Variants in MRTFA observed in about 807,000 individuals in gnomAD.
MRTFA encodes myocardin related transcription factor A.
A neutral mutation model predicts 83.5 loss-of-function variants in MRTFA; 20 were observed. That is an observed-to-expected ratio of 0.24 (90% CI 0.17 to 0.35). The LOEUF is 0.35. Among genes scored for constraint, MRTFA ranks in the 10% least tolerant of loss-of-function variants. The probability of loss-of-function intolerance (pLI) is 1.00; values close to 1 mark genes in which losing one functional copy is unlikely to be tolerated. For missense variants in MRTFA, 1,200 were observed against 1,224.7 expected, an observed-to-expected ratio of 0.98 and a Z score of 0.30; for synonymous variants, 659 against 541.2, an observed-to-expected ratio of 1.22 and a Z score of -3.02.
At chr22:40,520,179 TA>T (rs1323213016) in intron 3 of MRTFA, among the ~76,000 whole-genome samples, 1 of 152,196 alleles carries the variant, frequency 6.6e-6, no homozygotes, top group South Asian at 2.1e-4. Flanking sequence ...TCACACAATT[TA>T]AAAAATTGAG....
chr22:40,523,774 G>A (rs574158272), intron 3 of MRTFA: 39 of 152,186 alleles, frequency 2.6e-4, no homozygotes, highest in Non-Finnish European at 3.8e-4. Context: ...GGTATTAGAA[G>A]AATACGGACA....
chr22:40,457,725 C>T (rs1473866493), intron 4 of MRTFA, among the ~76,000 whole-genome samples: 1 of 152,160 alleles, frequency 6.6e-6, no homozygotes, highest in Non-Finnish European at 1.5e-5. Flanking sequence ...GGTTTTTCTA[C>T]TACTGGCACA....
chr22:40,442,411 G>T (rs933419129), intron 4 of MRTFA, among the ~76,000 whole-genome samples: 2 of 152,212 alleles, frequency 1.3e-5, no homozygotes, highest in Non-Finnish European at 2.9e-5. Flanking sequence ...TTTTTCCAGT[G>T]TGGAAGCAGG....
rs748409067 is a variant in MRTFA, at chr22:40,418,953, C to G, written c.1785G>C (p.Gln595His). The change falls in exon 12 of 15, where the codon CAG becomes CAC. Residue 595 changes from glutamine to histidine, a missense_variant. Gln to His is a conservative substitution (Grantham distance 24). Coordinates refer to ENST00000355630, the MANE Select transcript of MRTFA (RefSeq NM_020831.6). ...GGGGGCCCTCCTCCTTCACGAGGAT[C>G]TGCAGTGGCGAGGCCTGCAGGGTCA... 1.2e-5 allele frequency: 20 copies of G among 1,612,766 alleles called. No homozygotes were observed. Among genetic ancestry groups the G allele is most frequent in the Admixed American group, 1.7e-5 (1 of 59,990 alleles).
At chr22:40,548,826 T>C (rs1309454430) in intron 3 of MRTFA, among the ~76,000 whole-genome samples, 1 of 151,570 alleles carries the variant, frequency 6.6e-6, no homozygotes, top group Non-Finnish European at 1.5e-5. Flanking sequence ...ATCGCGCCAC[T>C]GCACTCCAGC....
intron 3 of MRTFA, among the ~76,000 whole-genome samples, chr22:40,497,990 A>G (rs1375549250): frequency 6.6e-6 from 1 of 151,502 alleles, no homozygotes; most frequent in African/African-American, 2.4e-5. Context: ...TTTTTAAAAT[A>G]TTAGATGGGT....
At chr22:40,604,915 A>G (rs2056301340) in intron 1 of MRTFA, among the ~76,000 whole-genome samples, 1 of 152,194 alleles carries the variant, frequency 6.6e-6, no homozygotes, top group Non-Finnish European at 1.5e-5. Context: ...GAATGAGGCA[A>G]GTATGTGGTG....
At chr22:40,465,014 C>T (rs935520368) in intron 3 of MRTFA, among the ~76,000 whole-genome samples, 1 of 152,128 alleles carries the variant, frequency 6.6e-6, no homozygotes, top group African/African-American at 2.4e-5. Context: ...TTAATCAAGC[C>T]TGGCCAGTTA....
Position 40,419,402 on chromosome 22 carries a change from G to A in MRTFA, c.1354-18C>T, listed in dbSNP as rs1013811172. On this transcript the variant is annotated intron_variant, in intron 11 of 14. Coordinates refer to ENST00000355630, the MANE Select transcript of MRTFA (RefSeq NM_020831.6). ...TCTGCCACCTGCAAGGCAGTCAAGAGTCAGGGAGGCCAGGGGCAGCTGGAC... is the reference window on the plus strand; with the variant it reads ...TCTGCCACCTGCAAGGCAGTCAAGAATCAGGGAGGCCAGGGGCAGCTGGAC... 10 of 1,610,694 alleles carry A rather than the reference G, an allele frequency of 6.2e-6. No individual in the cohort carries two copies. The African/African-American group carries it at 9.3e-5, about 15-fold the overall frequency.
intron 3 of MRTFA, among the ~76,000 whole-genome samples, chr22:40,548,316 G>A (rs1395502670): frequency 4.1e-5 from 5 of 121,168 alleles, no homozygotes; most frequent in Admixed American, 1.1e-4. Context: ...CCGAGATCAC[G>A]CCACAGAACT....
chr22:40,620,019 G>T (rs182020733), intron 1 of MRTFA, among the ~76,000 whole-genome samples: 2 of 151,588 alleles, frequency 1.3e-5, no homozygotes, highest in Non-Finnish European at 2.9e-5. Flanking sequence ...GTGCAGTGGC[G>T]TGATCTTGGC....
At chr22:40,500,573 C>T (rs1385817006) in intron 3 of MRTFA, among the ~76,000 whole-genome samples, 2 of 151,968 alleles carry the variant, frequency 1.3e-5, no homozygotes, top group East Asian at 1.9e-4. Flanking sequence ...TGATTACTTG[C>T]GATTAGGGAT....
intron 7 of MRTFA, 28 bp from the exon 8 acceptor site, chr22:40,424,409 C>T: frequency 6.2e-7 from 1 of 1,608,630 alleles, no homozygotes; most frequent in Non-Finnish European, 8.5e-7. Flanking sequence ...TGTGAGATTC[C>T]ACTTCCAGCC....
Position 40,462,718 on chromosome 22 carries a change from A to G in MRTFA, c.307+503T>C, listed in dbSNP as rs185588205. Among the ~76,000 whole-genome samples the G allele has an allele frequency of 1.9e-3, 283 of 152,220 alleles. 2 individuals are homozygous for G. The highest frequency in any genetic ancestry group is 3.4e-3 in the Middle Eastern group (1 of 294). The stretch of plus-strand genomic sequence containing the variant: ...CCGTGATAGCGCCATCAACGACTCT[A>G]CTCAGCCATGCTCACGCCCAGGCCA... On this transcript the variant is annotated intron_variant, in intron 4 of 14. Transcript: ENST00000355630.
intron 4 of MRTFA, among the ~76,000 whole-genome samples, chr22:40,459,827 A>G (rs1449172155): frequency 1.0e-5 from 1 of 99,956 alleles, no homozygotes; most frequent in African/African-American, 4.5e-5. Context: ...ACACACATAT[A>G]TACATATATA....
chr22:40,411,133 G>A lies in MRTFA; in HGVS notation c.*257C>T, dbSNP rs1362721084. ...CAAAAAAGGAGGTCAAGCTGAAATG[G>A]CCCTGACCCTGACCGTGTGTCCAAA... On this transcript the variant is annotated 3_prime_UTR_variant, in exon 15 of 15. Transcript: ENST00000355630. The A allele has an allele frequency of 5.2e-6, 2 of 381,962 alleles. No homozygotes were observed. The highest frequency in any genetic ancestry group is 4.1e-5 in the African/African-American group (2 of 48,930). The allele number at this position is 381,962 out of a possible 1,614,324, so 23.7% of individuals were successfully genotyped here. A position where few individuals can be genotyped will look rare whatever the true frequency, so the allele number is the denominator to read the frequency against.
chr22:40,599,471 T>C (rs987089553), intron 1 of MRTFA, among the ~76,000 whole-genome samples: 30 of 152,186 alleles, frequency 2.0e-4, no homozygotes, highest in African/African-American at 7.2e-4. Flanking sequence ...ATTATCCTTA[T>C]CTTCTAAAAA....
At chr22:40,451,648 C>A (rs1443868233) in intron 4 of MRTFA, among the ~76,000 whole-genome samples, 1 of 152,126 alleles carries the variant, frequency 6.6e-6, no homozygotes, top group Non-Finnish European at 1.5e-5. Flanking sequence ...TCATTTAGCA[C>A]GAGTATCGAC....
chr22:40,581,121 C>CT (rs918959715), intron 2 of MRTFA, among the ~76,000 whole-genome samples: 10 of 151,900 alleles, frequency 6.6e-5, no homozygotes, highest in Admixed American at 2.0e-4. Context: ...CACTTGCTTT[C>CT]TTTTTTTTCA....
Sources: allele counts gnomAD v4.1 joint callset (sites outside exome capture counted in the v4.1 genomes callset), GRCh38; gene constraint gnomAD v4.1.1; transcripts MANE v1.5; gene names NCBI Gene and HGNC (gene_info 2026-07-23, HGNC 2026-07-21).